PEBP4: variants seen among roughly 807,000 people sequenced by gnomAD.
The protein encoded by PEBP4 is phosphatidylethanolamine binding protein 4, also known as phosphatidylethanolamine-binding protein 4.
Under a neutral mutation model 23.9 loss-of-function variants are expected in PEBP4, and 22 were observed. The observed-to-expected ratio is 0.92, with a 90% CI of 0.66 to 1.31. The LOEUF (loss-of-function observed/expected upper bound fraction) is 1.31, where lower values mean the gene tolerates loss of function less well. Among genes scored for constraint, PEBP4 ranks in the 40% most tolerant of loss-of-function variants. The probability of loss-of-function intolerance (pLI) is 0.00; values close to 1 mark genes in which losing one functional copy is unlikely to be tolerated. For synonymous variants in PEBP4, 112 were observed against 99.3 expected, an observed-to-expected ratio of 1.13 and a Z score of -0.76; for missense variants, 324 against 281.7, an observed-to-expected ratio of 1.15 and a Z score of -1.07.
At chr8:22,909,820 G>A (rs909319718) in intron 3 of PEBP4, among the ~76,000 whole-genome samples, 1 of 152,204 alleles carries the variant, frequency 6.6e-6, no homozygotes, top group Non-Finnish European at 1.5e-5. Context: ...CTGGGTGGCT[G>A]CAAGGCTTAA....
intron 3 of PEBP4, among the ~76,000 whole-genome samples, chr8:22,819,684 G>C (rs1806817450): frequency 6.6e-6 from 1 of 151,736 alleles, no homozygotes; most frequent in African/African-American, 2.4e-5. Flanking sequence ...TCGGCTCATT[G>C]CAAGCTCTGC....
At chr8:22,924,542 G>T in intron 2 of PEBP4, 1 of 495,838 alleles carries the variant, frequency 2.0e-6, no homozygotes. Flanking sequence ...TGTGCACCTC[G>T]TGGATCCGCA....
chr8:22,893,427 A>C (rs1056019430), intron 3 of PEBP4, among the ~76,000 whole-genome samples: 1 of 152,246 alleles, frequency 6.6e-6, no homozygotes, highest in African/African-American at 2.4e-5. Flanking sequence ...ACATGTAAAG[A>C]AGCAGGAAAA....
At chr8:22,755,326 C>CTTTTTT (rs547269095) in intron 4 of PEBP4, among the ~76,000 whole-genome samples, 1 of 114,590 alleles carries the variant, frequency 8.7e-6, no homozygotes, top group African/African-American at 3.3e-5. Flanking sequence ...TTCTCTCCCT[C>CTTTTTT]TTTTTTTTTT....
chr8:22,727,228 A>G lies in PEBP4; in HGVS notation c.358-8T>C, dbSNP rs1804637489. The stretch of plus-strand genomic sequence containing the variant: ...TTTCTTCAGGTCGGCGCCCTGAAAG[A>G]AGAGACAAGCAGGGCTGTAGGTTAT... On this transcript the variant is annotated splice_region_variant and splice_polypyrimidine_tract_variant and intron_variant, in intron 4 of 6. Coordinates refer to ENST00000256404, the MANE Select transcript of PEBP4 (RefSeq NM_144962.3). 4 of 1,613,398 alleles carry G rather than the reference A, an allele frequency of 2.5e-6. No homozygotes were observed. The African/African-American group carries it at 4.0e-5, about 16-fold the overall frequency.
intron 3 of PEBP4, among the ~76,000 whole-genome samples, chr8:22,846,044 A>T (rs12676524): frequency 6.6e-6 from 1 of 152,106 alleles, no homozygotes; most frequent in South Asian, 2.1e-4. Context: ...AAAGAGCTAG[A>T]GATGCCAGGA....
intron 2 of PEBP4, among the ~76,000 whole-genome samples, chr8:22,927,073 C>A (rs927182504): frequency 4.6e-5 from 7 of 152,208 alleles, no homozygotes; most frequent in African/African-American, 1.7e-4. Context: ...AAGAAGCCAG[C>A]CTCGTCACCC....
chr8:22,751,588 C>CTGTGTGTGTGTGTGTGTGTGTCTG (rs1563204413), intron 4 of PEBP4, among the ~76,000 whole-genome samples: 1 of 147,148 alleles, frequency 6.8e-6, no homozygotes, highest in African/African-American at 2.5e-5. Context: ...AGGAGTGTGT[C>CTGTGTGTGTGTGTGTGTGTGTCTG]TGTGTGTGTG....
chr8:22,730,498 C>T (rs1201674233), intron 4 of PEBP4, among the ~76,000 whole-genome samples: 7 of 152,208 alleles, frequency 4.6e-5, no homozygotes, highest in Admixed American at 1.3e-4. Context: ...ATGGTGCCAC[C>T]GCACTTCAGC....
intron 3 of PEBP4, among the ~76,000 whole-genome samples, chr8:22,910,414 T>C (rs1378573768): frequency 6.6e-6 from 1 of 152,188 alleles, no homozygotes; most frequent in Non-Finnish European, 1.5e-5. Flanking sequence ...CATACAGAGG[T>C]CTCTGCCCTC....
chr8:22,734,100 G>A (rs1010548386), intron 4 of PEBP4, among the ~76,000 whole-genome samples: 6 of 152,218 alleles, frequency 3.9e-5, no homozygotes, highest in Non-Finnish European at 5.9e-5. Context: ...AAGGATCCAG[G>A]AAAAGGCACA....
chr8:22,713,489 G>T lies in PEBP4; in HGVS notation c.565C>A (p.Pro189Thr). 6.2e-7 allele frequency: 1 copy of T among 1,614,166 alleles called. No homozygotes were observed. The highest frequency in any genetic ancestry group is 8.5e-7 in the Non-Finnish European group (1 of 1,180,028). ...RFLNRFHLGEPEASTQFMTQN... is the reference protein window; with the variant it reads ...RFLNRFHLGETEASTQFMTQN... Reference sequence around the variant, plus strand: ...GTCATGAACTGGGTGCTTGCTTCAGGTTCGCCCAGGTGGAAACGGTTCAGA... The same window carrying T: ...GTCATGAACTGGGTGCTTGCTTCAGTTTCGCCCAGGTGGAAACGGTTCAGA... The change falls in exon 7 of 7, where the codon CCT becomes ACT. Residue 189 changes from proline (P) to threonine (T), a missense_variant. By Grantham distance (38) the Pro-to-Thr change is conservative. Transcript: ENST00000256404.
rs149138978 is a variant in PEBP4 at position 22,796,498 on chromosome 8, C to G, written c.357+21139G>C. 1.9e-3 allele frequency among the ~76,000 whole-genome samples: 285 copies of G among 152,264 alleles called. 2 individuals are homozygous for G. Among genetic ancestry groups the G allele is most frequent in the African/African-American group, 3.7e-3 (153 of 41,554 alleles). ...CAATCAGTAATCAGCAGCTGGGAAG[C>G]CTTCCTCCGGGCAGCCCTCTGTGCT... On this transcript the variant is annotated intron_variant, in intron 4 of 6. Coordinates refer to ENST00000256404, the MANE Select transcript of PEBP4 (RefSeq NM_144962.3).
intron 1 of PEBP4, among the ~76,000 whole-genome samples, chr8:22,936,493 C>T (rs985798970): frequency 2.0e-5 from 3 of 152,100 alleles, no homozygotes; most frequent in East Asian, 1.9e-4. Flanking sequence ...AAGTTCTGAA[C>T]CAGATAGTTT....
intron 3 of PEBP4, among the ~76,000 whole-genome samples, chr8:22,899,983 A>G (rs1274452409): frequency 6.6e-6 from 1 of 152,114 alleles, no homozygotes; most frequent in Non-Finnish European, 1.5e-5. Flanking sequence ...GAAAAACAAG[A>G]AGGAGACCTG....
intron 4 of PEBP4, among the ~76,000 whole-genome samples, chr8:22,800,618 C>G (rs995963986): frequency 1.3e-5 from 2 of 152,106 alleles, no homozygotes; most frequent in Admixed American, 6.5e-5. Flanking sequence ...CTGGGCAAAC[C>G]GCACATCAGG....
chr8:22,715,133 C>T (rs922525894), intron 6 of PEBP4, among the ~76,000 whole-genome samples: 3 of 152,190 alleles, frequency 2.0e-5, no homozygotes, highest in Non-Finnish European at 4.4e-5. Context: ...CTATTCGACT[C>T]AGTGACTGCA....
At chr8:22,927,553 G>T in intron 2 of PEBP4, 31 bp downstream of exon 2, 1 of 1,595,858 alleles carries the variant, frequency 6.3e-7, no homozygotes, top group South Asian at 1.1e-5. Context: ...TAGCCTCTGT[G>T]CCTCCCGCCT....
intron 3 of PEBP4, among the ~76,000 whole-genome samples, chr8:22,823,980 T>G (rs1806914054): frequency 6.6e-6 from 1 of 151,990 alleles, no homozygotes; most frequent in South Asian, 2.1e-4. Flanking sequence ...TTATCTCGAG[T>G]TTTTAAGGTA....
Sources: allele counts gnomAD v4.1 joint callset (sites outside exome capture counted in the v4.1 genomes callset), GRCh38; gene constraint gnomAD v4.1.1; transcripts MANE v1.5; gene names NCBI Gene and HGNC (gene_info 2026-07-23, HGNC 2026-07-21).